DAG1: variants seen among roughly 807,000 people sequenced by gnomAD.
The protein encoded by DAG1 is dystroglycan 1 (dystrophin-associated glycoprotein 1).
Under a neutral mutation model 46.1 loss-of-function variants are expected in DAG1, and 8 were observed. The ratio of observed to expected loss-of-function variants is 0.17; its 90% CI spans 0.10 to 0.31. The LOEUF (loss-of-function observed/expected upper bound fraction) is 0.31, where lower values mean the gene tolerates loss of function less well. Ranked by LOEUF, DAG1 falls within the 10% of genes least tolerant of loss-of-function variation. The pLI, the probability that DAG1 is intolerant of heterozygous loss-of-function variation, is 1.00. For synonymous variants in DAG1, 495 were observed against 481.8 expected, an observed-to-expected ratio of 1.03 and a Z score of -0.36; for missense variants, 1,003 against 1,189.9, an observed-to-expected ratio of 0.84 and a Z score of 2.31.
intron 2 of DAG1, among the ~76,000 whole-genome samples, chr3:49,527,356 C>T (rs375764034): frequency 1.3e-5 from 2 of 152,080 alleles, no homozygotes; most frequent in South Asian, 2.1e-4. Flanking sequence ...AACCCCGTCT[C>T]TACTAAAAAT....
At chr3:49,471,511 T>C (rs1296712639) in intron 1 of DAG1, among the ~76,000 whole-genome samples, 1 of 152,096 alleles carries the variant, frequency 6.6e-6, no homozygotes, top group Non-Finnish European at 1.5e-5. Context: ...AGTTTGAGTA[T>C]GGAGAAGTTT....
rs186244021 is a variant in DAG1 at position 49,526,511 on chromosome 3, C to G, written c.286-4286C>G. 1.1e-3 allele frequency among the ~76,000 whole-genome samples: 169 copies of G among 152,036 alleles called. 1 individual carries two copies. The highest frequency in any genetic ancestry group is 1.7e-3 in the Non-Finnish European group (113 of 67,986). On this transcript the variant is annotated intron_variant, in intron 2 of 2. Transcript: ENST00000308775. Reference sequence around the variant, plus strand: ...ATCACTGGAGGCCAGGAGTTTGAGACCAGCCTGGGCAACATGGCGAAATCC... The same window carrying G: ...ATCACTGGAGGCCAGGAGTTTGAGAGCAGCCTGGGCAACATGGCGAAATCC...
chr3:49,472,028 G>A (rs773637447), intron 1 of DAG1, among the ~76,000 whole-genome samples: 1 of 152,172 alleles, frequency 6.6e-6, no homozygotes, highest in African/African-American at 2.4e-5. Context: ...TAGTGCTTGG[G>A]AGTCCTCCAG....
Position 49,531,244 on chromosome 3 carries a change from C to T in DAG1, c.733C>T (p.Pro245Ser). The change falls in exon 3 of 3, where the codon CCG (proline) becomes TCG (serine). Residue 245 changes from proline (P) to serine (S), a missense_variant. Around this residue, in one of 3 missense-constraint regions of DAG1, gnomAD observed 52 missense variants for 96.7 expected, o/e 0.54. Coordinates refer to ENST00000308775, the MANE Select transcript of DAG1 (RefSeq NM_004393.6). The surrounding 1 kb of genome is among the most constrained non-coding windows in gnomAD (Gnocchi z 7.0). ...LFDMSAFMAG[P>S]GNAKKVVENG... Reference sequence around the variant, plus strand: ...TGACATGTCGGCCTTCATGGCTGGCCCGGGAAATGCAAAAAAGGTGGTGGA... The same window carrying T: ...TGACATGTCGGCCTTCATGGCTGGCTCGGGAAATGCAAAAAAGGTGGTGGA... The T allele has an allele frequency of 6.2e-7, 1 of 1,614,118 alleles. No homozygotes were observed. Among genetic ancestry groups the T allele is most frequent in the Non-Finnish European group, 8.5e-7 (1 of 1,180,042 alleles).
In DAG1 at chr3:49,491,367, A is replaced by G. The variant is rs1280283269; in HGVS notation, c.-116-19052A>G. ...CATTCTTTCGCCCAGGTTGGAATGCAGTGGCGTGTTTTTGGCTCACTGCAG... is the reference window on the plus strand; with the variant it reads ...CATTCTTTCGCCCAGGTTGGAATGCGGTGGCGTGTTTTTGGCTCACTGCAG... On this transcript the variant is annotated intron_variant, in intron 1 of 2. Coordinates refer to ENST00000308775, the MANE Select transcript of DAG1 (RefSeq NM_004393.6). Among the ~76,000 whole-genome samples the G allele has an allele frequency of 4.0e-5, 6 of 149,050 alleles. No homozygotes were observed. The Admixed American group carries it at 4.1e-4, about 10-fold the overall frequency.
intron 2 of DAG1, among the ~76,000 whole-genome samples, chr3:49,516,585 T>C (rs919636861): frequency 6.6e-6 from 1 of 152,258 alleles, no homozygotes; most frequent in Non-Finnish European, 1.5e-5. Flanking sequence ...TTTCCTAATA[T>C]TCAATAGTTT....
At chr3:49,527,044 G>T (rs2051191080) in intron 2 of DAG1, among the ~76,000 whole-genome samples, 1 of 152,202 alleles carries the variant, frequency 6.6e-6, no homozygotes, top group African/African-American at 2.4e-5. Flanking sequence ...AATAGGAAGT[G>T]AGCCAGGCTG....
At chr3:49,519,202 G>A (rs965549177) in intron 2 of DAG1, among the ~76,000 whole-genome samples, 6 of 152,174 alleles carry the variant, frequency 3.9e-5, no homozygotes, top group African/African-American at 1.4e-4. Flanking sequence ...TATATGCCAG[G>A]AGATGTTCTA....
intron 1 of DAG1, among the ~76,000 whole-genome samples, chr3:49,480,424 T>C (rs900755169): frequency 2.0e-5 from 3 of 151,232 alleles, no homozygotes; most frequent in East Asian, 2.0e-4. Context: ...TACAGGTGCC[T>C]GCCACCACGC....
rs139781017 is a variant in DAG1 at position 49,531,723 on chromosome 3, G to A, written c.1212G>A (p.Thr404=). 8.4e-5 allele frequency: 135 copies of A among 1,613,960 alleles called. No individual in the cohort carries two copies. In the African/African-American group the frequency reaches 1.4e-3, roughly 17 times the overall value. The change falls in exon 3 of 3, where the codon ACG becomes ACA. Residue 404 remains threonine (T), a synonymous_variant. Coordinates refer to ENST00000308775, the MANE Select transcript of DAG1 (RefSeq NM_004393.6). This position sits in a 1 kb window ranked among gnomAD's most constrained non-coding sequence, Gnocchi z 7.0. ...CAGTTCCTGGCCAGATTCGCCCAAC[G>A]ATGACCATTCCTGGCTATGTGGAGC... ...GTTVPGQIRP[T]MTIPGYVEPT...
At chr3:49,525,456 G>C (rs1041147294) in intron 2 of DAG1, among the ~76,000 whole-genome samples, 3 of 152,190 alleles carry the variant, frequency 2.0e-5, no homozygotes, top group Non-Finnish European at 4.4e-5. Flanking sequence ...TCTGCTTCTG[G>C]GGATGCCTCA....
At position 49,533,373 on chromosome 3, in the gene DAG1, A is replaced by G. The variant is rs748922980; in HGVS notation, c.*174A>G. On this transcript the variant is annotated 3_prime_UTR_variant, in exon 3 of 3. Transcript: ENST00000308775. The stretch of plus-strand genomic sequence containing the variant: ...GCCCTCTCTGGTCCTCCCAAACCCC[A>G]AAGCAGCTGGAGAGACTTTGGGGAC... 5.2e-6 allele frequency: 5 copies of G among 960,258 alleles called. No individual in the cohort carries two copies. The highest frequency in any genetic ancestry group is 6.4e-6 in the Non-Finnish European group (4 of 621,102). The allele number at this position is 960,258 out of a possible 1,614,324, so 59.5% of individuals were successfully genotyped here.
At chr3:49,510,216 G>A (rs1177724884) in intron 1 of DAG1, 1 of 506,900 alleles carries the variant, frequency 2.0e-6, no homozygotes, top group Non-Finnish European at 3.5e-6. Context: ...AAAATCCAGT[G>A]TATATTTTAT....
intron 1 of DAG1, among the ~76,000 whole-genome samples, chr3:49,474,838 C>G (rs963334888): frequency 4.9e-5 from 7 of 143,904 alleles, no homozygotes; most frequent in Non-Finnish European, 9.0e-5. Context: ...GACGGAGTCT[C>G]GCTCTGTCAC....
At chr3:49,471,989 G>C (rs1289312999) in intron 1 of DAG1, among the ~76,000 whole-genome samples, 2 of 152,158 alleles carry the variant, frequency 1.3e-5, no homozygotes, top group Non-Finnish European at 2.9e-5. Flanking sequence ...CCTGGACACA[G>C]GGAACCACAT....
Position 49,533,014 on chromosome 3 carries a change from A to G in DAG1, c.2503A>G (p.Ser835Gly). The stretch of plus-strand genomic sequence containing the variant: ...ACCCCCTCCTGAGTACCCCAACCAG[A>G]GTGTGCCCGAGACCACTCCTCTGAA... ...PLPPPEYPNQ[S>G]VPETTPLNQD... The change falls in exon 3 of 3, where the codon AGT becomes GGT. Residue 835 changes from serine (S) to glycine (G), a missense_variant. Coordinates refer to ENST00000308775, the MANE Select transcript of DAG1 (RefSeq NM_004393.6). 6.2e-7 allele frequency: 1 copy of G among 1,613,974 alleles called. No individual in the cohort carries two copies. Among genetic ancestry groups the G allele is most frequent in the Non-Finnish European group, 8.5e-7 (1 of 1,179,990 alleles).
intron 1 of DAG1, among the ~76,000 whole-genome samples, chr3:49,491,868 C>T (rs1265137447): frequency 6.6e-6 from 1 of 152,020 alleles, no homozygotes; most frequent in Non-Finnish European, 1.5e-5. Context: ...ATCCTCCCGC[C>T]TTGGCCTCCC....
chr3:49,530,746 A>G (rs780582450), intron 2 of DAG1, 51 bp from the exon 3 acceptor site: 1 of 1,613,114 alleles, frequency 6.2e-7, no homozygotes. Context: ...GATCATATTC[A>G]GGTTATGCAG....
Position 49,488,466 on chromosome 3 carries a change from G to C in DAG1, c.-117+18033G>C, listed in dbSNP as rs2050095047. Among the ~76,000 whole-genome samples the C allele has an allele frequency of 2.6e-5, 4 of 152,260 alleles. No homozygotes were observed. In the South Asian group the frequency reaches 8.3e-4, roughly 32 times the overall value. Reference sequence around the variant, plus strand: ...AAGAAGAATGCAAGGATGAGTGTGAGAACACCCTGGAGAGCAAGATATGCA... The same window carrying C: ...AAGAAGAATGCAAGGATGAGTGTGACAACACCCTGGAGAGCAAGATATGCA... On this transcript the variant is annotated intron_variant, in intron 1 of 2. Transcript: ENST00000308775.
Sources: gnomAD v4.1 joint callset for allele counts (sites outside exome capture counted in the v4.1 genomes callset) on GRCh38, gnomAD v4.1.1 for gene constraint, gnomAD v4.1.1 regional missense constraint, Gnocchi (gnomAD v3.1) non-coding constraint, MANE v1.5 for transcripts, NCBI Gene and HGNC (gene_info 2026-07-23, HGNC 2026-07-21) for gene names.